Variants in C10orf53 observed in about 807,000 individuals in gnomAD.
C10orf53 encodes chromosome 10 open reading frame 53.
In C10orf53, 8 loss-of-function variants were observed where a neutral mutation model predicts 9.4. That is an observed-to-expected ratio of 0.85 (90% CI 0.50 to 1.53). The LOEUF (loss-of-function observed/expected upper bound fraction) is 1.53. Ranked by LOEUF, C10orf53 falls within the 40% of genes most tolerant of loss-of-function variation. The probability of loss-of-function intolerance (pLI) is 0.00; values close to 1 mark genes in which losing one functional copy is unlikely to be tolerated. For synonymous variants in C10orf53, 48 were observed against 46.0 expected (o/e 1.04, Z -0.18); for missense variants, 117 against 117.8 (o/e 0.99, Z 0.03).
intron 1 of C10orf53, among the ~76,000 whole-genome samples, chr10:49,680,397 G>T (rs944184163): frequency 7.9e-5 from 12 of 152,198 alleles, no homozygotes; most frequent in African/African-American, 2.7e-4. Flanking sequence ...CATTTAAGTG[G>T]AGCCTTAAAT....
At chr10:49,699,026 A>G (rs796477509), downstream of C10orf53, among the ~76,000 whole-genome samples, 14 of 152,276 alleles carry the variant, frequency 9.2e-5, no homozygotes, top group African/African-American at 2.9e-4. Context: ...AAAGCTGGAA[A>G]TCTGGATTTT....
At chr10:49,680,454 A>G (rs187059941) in intron 1 of C10orf53, among the ~76,000 whole-genome samples, 11 of 152,380 alleles carry the variant, frequency 7.2e-5, no homozygotes, top group African/African-American at 2.4e-4. Flanking sequence ...GAAACTAACC[A>G]GGTAAAGAGA....
chr10:49,679,790 G>A lies in C10orf53; in HGVS notation c.93G>A (p.Leu31=), dbSNP rs1590636521. Reference sequence around the variant, plus strand: ...ACCACACCTTCCGCCTGCAGGGCCTGCAAGGTGGGCCTCCTCGCCGCGTGC... The same window carrying A: ...ACCACACCTTCCGCCTGCAGGGCCTACAAGGTGGGCCTCCTCGCCGCGTGC... ...VEHHTFRLQG[L]QAVLAIDGHE... Residue 31 remains leucine (L), a synonymous_variant, in exon 1 of 3, where the codon CTG becomes CTA. Coordinates refer to ENST00000374111, the MANE Select transcript of C10orf53 (RefSeq NM_001042427.3). The A allele has an allele frequency of 6.5e-7, 1 of 1,536,874 alleles. No individual in the cohort carries two copies. The highest frequency in any genetic ancestry group is 8.8e-7 in the Non-Finnish European group (1 of 1,142,092).
rs1366420183 is a variant in C10orf53, at chr10:49,695,729, A to G, written c.*1127A>G. 1.3e-5 allele frequency: 2 copies of G among 152,256 alleles called. No individual in the cohort carries two copies. Among genetic ancestry groups the G allele is most frequent in the African/African-American group, 4.8e-5 (2 of 41,470 alleles). The allele number at this position is 152,256 out of a possible 1,614,324, so 9.4% of individuals were successfully genotyped here. A position where few individuals can be genotyped will look rare whatever the true frequency, so the allele number is the denominator to read the frequency against. ...TAGGGGATATAATTTTTAAAACCCC[A>G]GCCCAAGCTTCACTTGTCAGAGTTG... is the stretch of plus-strand genomic sequence containing the variant. On this transcript the variant is annotated 3_prime_UTR_variant, in exon 3 of 3. Coordinates refer to ENST00000374111, the MANE Select transcript of C10orf53 (RefSeq NM_001042427.3).
intron 1 of C10orf53, 114 bp from the exon 2 acceptor site, chr10:49,693,660 T>C: frequency 1.5e-6 from 2 of 1,310,926 alleles, no homozygotes. Context: ...AGTTGAGTGA[T>C]ACCCATGAGC....
exon 3 of C10orf53, chr10:49,709,193 A>G (rs1252714773): frequency 6.5e-6 from 1 of 154,180 alleles, no homozygotes; most frequent in Non-Finnish European, 1.4e-5. Flanking sequence ...CAAGTAACCC[A>G]TGCTCCACCA....
At chr10:49,691,059 T>C (rs1369471507) in intron 1 of C10orf53, among the ~76,000 whole-genome samples, 1 of 152,242 alleles carries the variant, frequency 6.6e-6, no homozygotes, top group African/African-American at 2.4e-5. Context: ...TGATTTATGC[T>C]GGAGTTTACC....
At chr10:49,682,528 C>T (rs529089088) in intron 1 of C10orf53, among the ~76,000 whole-genome samples, 2 of 148,368 alleles carry the variant, frequency 1.3e-5, no homozygotes, top group Non-Finnish European at 3.0e-5. Flanking sequence ...TCTCCCAAAG[C>T]GTGGAGGGGG....
chr10:49,680,361 G>A (rs1383368936), intron 1 of C10orf53, among the ~76,000 whole-genome samples: 1 of 152,212 alleles, frequency 6.6e-6, no homozygotes, highest in East Asian at 1.9e-4. Context: ...ATAATGGGAG[G>A]GGAGAGGGAG....
chr10:49,694,404 A>C, intron 2 of C10orf53, 134 bp from the exon 3 acceptor site: 1 of 1,234,972 alleles, frequency 8.1e-7, no homozygotes, highest in Non-Finnish European at 1.1e-6. Flanking sequence ...CTAACACTCT[A>C]TTAAAAACTA....
chr10:49,681,015 A>G (rs2132872732), intron 1 of C10orf53, among the ~76,000 whole-genome samples: 1 of 152,320 alleles, frequency 6.6e-6, no homozygotes, highest in Admixed American at 6.5e-5. Flanking sequence ...ACCCTATCCT[A>G]AGTTGAGGCA....
At chr10:49,699,306 G>T (rs1840663462), downstream of C10orf53, among the ~76,000 whole-genome samples, 1 of 139,920 alleles carries the variant, frequency 7.1e-6, no homozygotes, top group Non-Finnish European at 1.5e-5. Flanking sequence ...CAATCCTCCT[G>T]CCTCAGCCTT....
intron 2 of C10orf53, among the ~76,000 whole-genome samples, chr10:49,706,872 A>G (rs1209427661): frequency 6.6e-6 from 1 of 152,174 alleles, no homozygotes; most frequent in East Asian, 1.9e-4. Flanking sequence ...TACATGAACA[A>G]TTTTCTGGTG....
downstream of C10orf53, among the ~76,000 whole-genome samples, chr10:49,698,798 G>T (rs1195031243): frequency 2.0e-5 from 3 of 152,170 alleles, no homozygotes; most frequent in Admixed American, 1.3e-4. Context: ...ACGGGGCACT[G>T]CACTTCTCCC....
chr10:49,688,927 G>A (rs745407094), intron 1 of C10orf53, among the ~76,000 whole-genome samples: 3 of 151,804 alleles, frequency 2.0e-5, no homozygotes, highest in Non-Finnish European at 2.9e-5. Context: ...CTTCTTGCTC[G>A]TAATTACCTA....
Position 49,694,801 on chromosome 10 carries a change from A to G in C10orf53, c.*199A>G, listed in dbSNP as rs922740612. On this transcript the variant is annotated 3_prime_UTR_variant, in exon 3 of 3. Transcript: ENST00000374111. ...ACAGGAGCCCACAGAAATAATAAAA[A>G]CCACATCATTTATAACATGTCTCAA... is the stretch of plus-strand genomic sequence containing the variant. 4.3e-6 allele frequency: 6 copies of G among 1,393,866 alleles called. No homozygotes were observed. The South Asian group carries it at 5.3e-5, about 12-fold the overall frequency. The allele number at this position is 1,393,866 out of a possible 1,614,324, so 86.3% of individuals were successfully genotyped here.
rs1365669218 is a variant in C10orf53, at chr10:49,694,641, C to T, written c.*39C>T. ...CAGGCATCTCAAGTCGGCACAACAG[C>T]AGCTGCCCCAGCCATTCTATGATGC... On this transcript the variant is annotated 3_prime_UTR_variant, in exon 3 of 3. Coordinates refer to ENST00000374111, the MANE Select transcript of C10orf53 (RefSeq NM_001042427.3). 6.2e-7 allele frequency: 1 copy of T among 1,612,480 alleles called. No homozygotes were observed. The highest frequency in any genetic ancestry group is 8.5e-7 in the Non-Finnish European group (1 of 1,179,766).
downstream of C10orf53, among the ~76,000 whole-genome samples, chr10:49,698,771 A>T (rs1840657256): frequency 6.6e-6 from 1 of 152,138 alleles, no homozygotes; most frequent in Non-Finnish European, 1.5e-5. Context: ...CTGTGAGTGG[A>T]TGTTCCCACT....
At chr10:49,679,859 C>T (rs1840463062) in intron 1 of C10orf53, 65 bp downstream of exon 1, 21 of 1,421,304 alleles carry the variant, frequency 1.5e-5, no homozygotes, top group Non-Finnish European at 1.9e-5. Flanking sequence ...CAGGTGGTGC[C>T]CTGTGCCTAG....
Sources: allele counts gnomAD v4.1 joint callset (sites outside exome capture counted in the v4.1 genomes callset), GRCh38; gene constraint gnomAD v4.1.1; transcripts MANE v1.5; gene names NCBI Gene and HGNC (gene_info 2026-07-23, HGNC 2026-07-21).